The following PHEX variants were observed in gnomAD, a reference collection of about 807,000 sequenced individuals.
PHEX encodes phosphate regulating endopeptidase X-linked.
A neutral mutation model predicts 68.0 loss-of-function variants in PHEX; 16 were observed. The observed-to-expected ratio is 0.24, with a 90% CI of 0.16 to 0.36. The LOEUF is 0.36. Among genes scored for constraint, PHEX ranks in the 10% least tolerant of loss-of-function variants. The pLI, the probability that PHEX is intolerant of heterozygous loss-of-function variation, is 1.00. For synonymous variants in PHEX, 208 were observed against 205.1 expected (o/e 1.01, Z -0.12); for missense variants, 480 against 575.5 (o/e 0.83, Z 1.70).
intron 11 of PHEX, among the ~76,000 whole-genome samples, chrX:22,131,424 T>C (rs1365583419): frequency 8.9e-6 from 1 of 112,842 alleles, no homozygotes; most frequent in African/African-American, 3.2e-5. Flanking sequence ...TTAAAGGACC[T>C]TTTGCTCTTT....
chrX:22,151,990 T>C (rs1356127662), intron 12 of PHEX, among the ~76,000 whole-genome samples: 11 of 112,312 alleles, frequency 9.8e-5, no homozygotes, highest in Non-Finnish European at 1.3e-4. Context: ...ATGTTGAATA[T>C]GGTTACTAAT....
intron 12 of PHEX, among the ~76,000 whole-genome samples, chrX:22,138,675 A>G (rs1483523290): frequency 8.9e-6 from 1 of 111,735 alleles, no homozygotes; most frequent in Non-Finnish European, 1.9e-5. Flanking sequence ...GCTTCACCTC[A>G]CTGTGCATTT....
Position 22,032,919 on chromosome X carries a change from C to G in PHEX, c.-87C>G. 1.5e-6 allele frequency: 1 copy of G among 669,720 alleles called. No homozygotes were observed. Among genetic ancestry groups the G allele is most frequent in the South Asian group, 2.1e-5 (1 of 46,711 alleles). 55.2% of individuals were successfully genotyped at this position (669,720 alleles called of 1,213,427 possible). A position where few individuals can be genotyped will look rare whatever the true frequency, so the allele number is the denominator to read the frequency against. On this transcript the variant is annotated 5_prime_UTR_variant, in exon 1 of 22. Transcript: ENST00000379374. ...GTCCATTAGTAGAAGAGCAAGAAAG[C>G]CTTGGATGTCAACGCCTCGCTCTTG...
chrX:22,086,100 C>G (rs1436283340), intron 5 of PHEX, among the ~76,000 whole-genome samples: 1 of 111,834 alleles, frequency 8.9e-6, no homozygotes, highest in Non-Finnish European at 1.9e-5. Context: ...GACTCTAGCC[C>G]AAGATCAGAG....
chrX:22,118,296 C>T (rs5951502), intron 11 of PHEX, among the ~76,000 whole-genome samples: 4 of 88,507 alleles, frequency 4.5e-5, no homozygotes, highest in South Asian at 6.0e-4. Flanking sequence ...CCACACTTTG[C>T]GCAGCAAGGT....
chrX:22,056,478 C>T (rs1486188370), intron 3 of PHEX, among the ~76,000 whole-genome samples: 1 of 110,600 alleles, frequency 9.0e-6, no homozygotes, highest in Non-Finnish European at 1.9e-5. Flanking sequence ...TTGTGTTAGA[C>T]ACAAGGGATA....
intron 9 of PHEX, 123 bp from the exon 10 acceptor site, chrX:22,111,344 G>A: frequency 1.7e-6 from 1 of 598,026 alleles, no homozygotes; most frequent in Non-Finnish European, 2.9e-6. Flanking sequence ...TGAAAGTTCT[G>A]CATTTTTGTA....
At chrX:22,058,572 G>A (rs1414524891) in intron 3 of PHEX, among the ~76,000 whole-genome samples, 2 of 111,962 alleles carry the variant, frequency 1.8e-5, no homozygotes, top group Non-Finnish European at 3.8e-5. Flanking sequence ...AGCAGATGAG[G>A]ACATTTGTAC....
chrX:22,227,889 C>T (rs1329801202), intron 20 of PHEX, among the ~76,000 whole-genome samples: 1 of 111,736 alleles, frequency 8.9e-6, no homozygotes, highest in African/African-American at 3.3e-5. Flanking sequence ...ATCTTGACTT[C>T]TTAATGTGTT....
intron 12 of PHEX, among the ~76,000 whole-genome samples, chrX:22,164,269 GA>G: frequency 9.0e-6 from 1 of 111,584 alleles, no homozygotes; most frequent in East Asian, 2.8e-4. Context: ...GTCTGTGGCA[GA>G]AAAAAACATT....
chrX:22,102,633 C>A (rs982501680), intron 9 of PHEX, among the ~76,000 whole-genome samples: 1 of 111,859 alleles, frequency 8.9e-6, no homozygotes, highest in African/African-American at 3.3e-5. Flanking sequence ...ATGAATGGAA[C>A]CCCAAAGGAT....
In PHEX at chrX:22,032,880, C is replaced by G. The variant is rs185830047; in HGVS notation, c.-126C>G. ...GTGGCGAGGGGAGATTTCCTGACGG[C>G]AGTTTCTTAAGCTGTCCATTAGTAG... On this transcript the variant is annotated 5_prime_UTR_variant, in exon 1 of 22. Transcript: ENST00000379374. The G allele has an allele frequency of 2.2e-4, 120 of 552,502 alleles. No homozygotes were observed. In the African/African-American group the frequency reaches 2.6e-3, roughly 12 times the overall value. The allele number at this position is 552,502 out of a possible 1,213,427, so 45.5% of individuals were successfully genotyped here. A position where few individuals can be genotyped will look rare whatever the true frequency, so the allele number is the denominator to read the frequency against.
At position 22,251,236 on chromosome X, in the gene PHEX, G is replaced by A. The variant is rs1324287551; in HGVS notation, c.*3283G>A. ...TATCTAAATGGTTATTCTGAGACTG[G>A]TTGTATTTTCTTCTCCTACTCGTGA... On this transcript the variant is annotated 3_prime_UTR_variant, in exon 22 of 22. Coordinates refer to ENST00000379374, the MANE Select transcript of PHEX (RefSeq NM_000444.6). 8.9e-6 allele frequency: 1 copy of A among 112,524 alleles called. No individual in the cohort carries two copies. The highest frequency in any genetic ancestry group is 3.2e-5 in the African/African-American group (1 of 31,004). The allele number at this position is 112,524 out of a possible 1,213,427, so 9.3% of individuals were successfully genotyped here. A position where few individuals can be genotyped will look rare whatever the true frequency, so the allele number is the denominator to read the frequency against.
chrX:22,228,916 G>T (rs750213994), intron 20 of PHEX, among the ~76,000 whole-genome samples: 1 of 111,019 alleles, frequency 9.0e-6, no homozygotes, highest in Non-Finnish European at 1.9e-5. Flanking sequence ...GGTGTGTGAT[G>T]TTCCCCTCTC....
intron 21 of PHEX, among the ~76,000 whole-genome samples, chrX:22,246,527 C>T (rs1008282021): frequency 2.7e-5 from 3 of 111,970 alleles, no homozygotes; most frequent in African/African-American, 6.5e-5. Context: ...TGAAGGCTGA[C>T]GGTCTCGAAC....
chrX:22,088,168 C>G (rs569053629), intron 5 of PHEX, among the ~76,000 whole-genome samples: 97 of 111,895 alleles, frequency 8.7e-4, no homozygotes, highest in Admixed American at 1.4e-3. Flanking sequence ...TGTATCAGTT[C>G]ATTCTCTTTT....
intron 3 of PHEX, among the ~76,000 whole-genome samples, chrX:22,074,764 A>T (rs1296391956): frequency 9.0e-6 from 1 of 111,532 alleles, no homozygotes. Context: ...ATTAAAAAAA[A>T]ATCTCCTTTA....
chrX:22,052,373 A>G (rs1206082004), intron 3 of PHEX, among the ~76,000 whole-genome samples: 1 of 111,047 alleles, frequency 9.0e-6, no homozygotes, highest in African/African-American at 3.3e-5. Flanking sequence ...GATTACACGC[A>G]TGCGCCACCA....
At chrX:22,203,696 A>G (rs1366091896) in intron 15 of PHEX, among the ~76,000 whole-genome samples, 5 of 111,598 alleles carry the variant, frequency 4.5e-5, no homozygotes, top group African/African-American at 1.6e-4. Flanking sequence ...GTAAGCATTC[A>G]TCCCGGATTT....
Sources: gnomAD v4.1 joint callset for allele counts (sites outside exome capture counted in the v4.1 genomes callset) on GRCh38, gnomAD v4.1.1 for gene constraint, MANE v1.5 for transcripts, NCBI Gene and HGNC (gene_info 2026-07-23, HGNC 2026-07-21) for gene names.